Variants in FSD1 observed in about 807,000 individuals in gnomAD.
The protein encoded by FSD1 is fibronectin type III and SPRY domain-containing protein 1.
FSD1 carries 23 observed loss-of-function variants against 58.2 expected under a neutral mutation model. That is an observed-to-expected ratio of 0.40 (90% CI 0.28 to 0.56). The LOEUF (loss-of-function observed/expected upper bound fraction) is 0.56. FSD1 is among the 20% of genes least tolerant of loss of function. The probability of loss-of-function intolerance (pLI) is 0.54; values close to 1 mark genes in which losing one functional copy is unlikely to be tolerated. For missense variants in FSD1, 563 were observed against 670.8 expected (o/e 0.84, Z 1.78); for synonymous variants, 265 against 263.4 (o/e 1.01, Z -0.06).
chr19:4,318,813 T>A, intron 9 of FSD1, 59 bp from the exon 10 acceptor site: 1 of 1,369,526 alleles, frequency 7.3e-7, no homozygotes, highest in Admixed American at 1.7e-5. Context: ...AGCCTTACCG[T>A]GGGAGAGAGA....
At chr19:4,316,119 G>A (rs1461213483) in intron 7 of FSD1, among the ~76,000 whole-genome samples, 1 of 151,112 alleles carries the variant, frequency 6.6e-6, no homozygotes, top group African/African-American at 2.4e-5. Context: ...GGAGTGCAGT[G>A]ATGCAATCAT....
intron 6 of FSD1, 126 bp from the exon 7 acceptor site, chr19:4,311,716 A>C: frequency 4.0e-6 from 3 of 742,530 alleles, no homozygotes; most frequent in Non-Finnish European, 4.5e-6. Context: ...CCTGCCAAAC[A>C]TGGAACCCCT....
chr19:4,321,712 A>T (rs1971820401), intron 10 of FSD1, among the ~76,000 whole-genome samples: 1 of 151,354 alleles, frequency 6.6e-6, no homozygotes, highest in Admixed American at 6.6e-5. Context: ...GGAGGGAATA[A>T]CTGGAGTCCA....
Position 4,306,181 on chromosome 19 carries a change from T to G in FSD1, c.112-17T>G. ...TCTGAACACGGGCTTTGGCCGATTC[T>G]GGCTGTTCCGACCCAGGCGAACTCG... is the stretch of plus-strand genomic sequence containing the variant. On this transcript the variant is annotated splice_polypyrimidine_tract_variant and intron_variant, in intron 2 of 12. Transcript: ENST00000221856. The G allele has an allele frequency of 6.2e-7, 1 of 1,613,866 alleles. No homozygotes were observed. The highest frequency in any genetic ancestry group is 8.5e-7 in the Non-Finnish European group (1 of 1,179,830).
chr19:4,305,791 T>TGCGCGC (rs1971611646), intron 1 of FSD1, among the ~76,000 whole-genome samples, 155 bp from the exon 2 acceptor site: 1 of 152,146 alleles, frequency 6.6e-6, no homozygotes, highest in African/African-American at 2.4e-5. Flanking sequence ...GCCGTGTGTG[T>TGCGCGC]GTGCGCATGT....
Position 4,306,401 on chromosome 19 carries a change from T to C in FSD1, c.243+72T>C, listed in dbSNP as rs1036165843. On this transcript the variant is annotated intron_variant, in intron 3 of 12. Coordinates refer to ENST00000221856, the MANE Select transcript of FSD1 (RefSeq NM_024333.3). ...CAGAACGTAGCTGACCTCGGCACCTTCCTCCAAAAACTGGGTGCTCTCGAG... is the reference window on the plus strand; with the variant it reads ...CAGAACGTAGCTGACCTCGGCACCTCCCTCCAAAAACTGGGTGCTCTCGAG... 82 of 1,541,992 alleles carry C rather than the reference T, an allele frequency of 5.3e-5. 1 individual carries two copies. The Middle Eastern group carries it at 6.9e-4, about 13-fold the overall frequency.
intron 3 of FSD1, among the ~76,000 whole-genome samples, chr19:4,307,494 A>G (rs190879767): frequency 2.0e-5 from 3 of 152,152 alleles, no homozygotes; most frequent in Admixed American, 2.0e-4. Flanking sequence ...CAGCCTCCCG[A>G]GTAGCTGGGA....
At chr19:4,319,949 G>A (rs535210502) in intron 10 of FSD1, among the ~76,000 whole-genome samples, 2 of 152,294 alleles carry the variant, frequency 1.3e-5, no homozygotes, top group African/African-American at 4.8e-5. Flanking sequence ...ATTGGGTGAA[G>A]GAGTAGCTGA....
At position 4,310,282 on chromosome 19, in the gene FSD1, C is replaced by A. The variant is rs1414043282; in HGVS notation, c.355C>A (p.Gln119Lys). The stretch of plus-strand genomic sequence containing the variant: ...CTGTTCCTCTCTCTAGGCTGCCAAG[C>A]AAATCAAAGATGGGTAAGACACTGG... ...DSEDFPQAAK[Q>K]IKDGVTMAPA... Residue 119 changes from glutamine to lysine, a missense_variant, in exon 5 of 13, where the codon CAA becomes AAA. By Grantham distance (53) the Gln-to-Lys change is moderately conservative. Coordinates refer to ENST00000221856, the MANE Select transcript of FSD1 (RefSeq NM_024333.3). 1.9e-6 allele frequency: 3 copies of A among 1,614,196 alleles called. No individual in the cohort carries two copies. The highest frequency in any genetic ancestry group is 1.7e-6 in the Non-Finnish European group (2 of 1,180,010).
chr19:4,312,261 G>T (rs1484111337), intron 7 of FSD1, among the ~76,000 whole-genome samples: 1 of 152,080 alleles, frequency 6.6e-6, no homozygotes, highest in African/African-American at 2.4e-5. Flanking sequence ...GGCTGAAGCG[G>T]GTGGATCGCC....
At position 4,310,555 on chromosome 19, in the gene FSD1, C is replaced by T. The variant is rs200331149; in HGVS notation, c.449C>T (p.Ala150Val). Residue 150 changes from alanine to valine, a missense_variant, in exon 6 of 13, where the codon GCG (alanine) becomes GTG (valine). Transcript: ENST00000221856. ...DNMSHLMVDFAQERQMLQALK... is the reference protein window; with the variant it reads ...DNMSHLMVDFVQERQMLQALK... ...ATGAGTCACCTCATGGTGGACTTCG[C>T]GCAAGAGCGGCAGATGCTACAGGCA... is the stretch of plus-strand genomic sequence containing the variant. 364 of 1,613,834 alleles carry T rather than the reference C, an allele frequency of 2.3e-4. 3 individuals are homozygous for T. The highest frequency in any genetic ancestry group is 1.2e-3 in the Admixed American group (75 of 60,022).
At chr19:4,319,972 C>T (rs1971796389) in intron 10 of FSD1, among the ~76,000 whole-genome samples, 1 of 152,120 alleles carries the variant, frequency 6.6e-6, no homozygotes, top group Non-Finnish European at 1.5e-5. Flanking sequence ...TGGCAAGAAC[C>T]TGGATCTGGG....
chr19:4,319,024 C>T, intron 10 of FSD1, 73 bp downstream of exon 10: 2 of 1,234,606 alleles, frequency 1.6e-6, no homozygotes, highest in Non-Finnish European at 2.4e-6. Context: ...GAGGGAGAAC[C>T]TTTGCCTTTG....
intron 7 of FSD1, among the ~76,000 whole-genome samples, chr19:4,312,796 C>T (rs575308604): frequency 2.9e-4 from 43 of 149,494 alleles, no homozygotes; most frequent in Non-Finnish European, 4.7e-4. Flanking sequence ...CAGAGCAAGA[C>T]TCCGTCTCAA....
chr19:4,310,868 C>T (rs1430474220), intron 6 of FSD1: 1 of 369,344 alleles, frequency 2.7e-6, no homozygotes, highest in Admixed American at 4.3e-5. Context: ...ATACCATGTC[C>T]TGTGGGGTTG....
Position 4,308,603 on chromosome 19 carries a change from A to G in FSD1, c.345+620A>G, listed in dbSNP as rs947082609. 2.6e-5 allele frequency among the ~76,000 whole-genome samples: 4 copies of G among 152,160 alleles called. No individual in the cohort carries two copies. In the East Asian group the frequency reaches 7.7e-4, roughly 29 times the overall value. ...CCAGGCACAGGGGCTCATGCCTGTA[A>G]TCCCAGCACTTTGGGAGGCCAAGGC... On this transcript the variant is annotated intron_variant, in intron 4 of 12. Transcript: ENST00000221856.
chr19:4,306,434 T>C (rs2144754208), intron 3 of FSD1, 105 bp downstream of exon 3: 1 of 1,151,384 alleles, frequency 8.7e-7, no homozygotes, highest in Non-Finnish European at 1.3e-6. Context: ...GAGTTTCTGA[T>C]CTCTCCCCTG....
intron 4 of FSD1, among the ~76,000 whole-genome samples, chr19:4,308,501 T>C (rs1190422512): frequency 6.6e-6 from 1 of 152,024 alleles, no homozygotes; most frequent in Admixed American, 6.6e-5. Context: ...GGCAGGAGGA[T>C]TGCTTGAGGC....
chr19:4,305,851 TGTGTGCAC>T, intron 1 of FSD1, 87 bp from the exon 2 acceptor site: 1 of 862,336 alleles, frequency 1.2e-6, no homozygotes, highest in Non-Finnish European at 2.0e-6. Context: ...TGTGTGCATG[TGTGTGCAC>T]GTGTGTACAT....
Sources: gnomAD v4.1 joint callset for allele counts (sites outside exome capture counted in the v4.1 genomes callset) on GRCh38, gnomAD v4.1.1 for gene constraint, MANE v1.5 for transcripts, NCBI Gene and HGNC (gene_info 2026-07-23, HGNC 2026-07-21) for gene names.